Variants in PLCH2 observed in about 807,000 individuals in gnomAD.
PLCH2 encodes 1-phosphatidylinositol 4,5-bisphosphate phosphodiesterase eta-2.
In PLCH2, 98 loss-of-function variants were observed where a neutral mutation model predicts 134.7. The observed-to-expected ratio is 0.73, with a 90% confidence interval of 0.62 to 0.86. The LOEUF (loss-of-function observed/expected upper bound fraction) is 0.86, where lower values mean the gene tolerates loss of function less well. Among genes scored for constraint, PLCH2 ranks in the 40% least tolerant of loss-of-function variants. PLCH2 has a pLI of 0.00. For synonymous variants in PLCH2, 974 were observed against 827.5 expected (o/e 1.18, Z -3.04); for missense variants, 1,994 against 1,986.6 (o/e 1.00, Z -0.07).
Position 2,451,529 on chromosome 1 carries a change from A to G in PLCH2, c.115+20900A>G, listed in dbSNP as rs116295486. 3.7e-3 allele frequency among the ~76,000 whole-genome samples: 569 copies of G among 152,242 alleles called. 4 individuals carry two copies. Among genetic ancestry groups the G allele is most frequent in the African/African-American group, 0.013 (546 of 41,552 alleles). Reference sequence around the variant, plus strand: ...ACTCCAGCCCCAGGAACTGGCTCCAAGGGCCACCGTGAGGCCAGAGAGCCG... The same window carrying G: ...ACTCCAGCCCCAGGAACTGGCTCCAGGGGCCACCGTGAGGCCAGAGAGCCG... On this transcript the variant is annotated intron_variant, in intron 2 of 3. Coordinates refer to the PLCH2 transcript ENST00000609981.
intron 13 of PLCH2, 67 bp from the exon 14 acceptor site, chr1:2,496,540 T>A: frequency 7.5e-7 from 1 of 1,326,896 alleles, no homozygotes; most frequent in Non-Finnish European, 1.1e-6. Context: ...CTGGAGCCCG[T>A]CTCACGGAGC....
chr1:2,466,765 C>T (rs1205171112), upstream of PLCH2, among the ~76,000 whole-genome samples: 1 of 152,232 alleles, frequency 6.6e-6, no homozygotes, highest in Non-Finnish European at 1.5e-5. Flanking sequence ...GGGAGCAGCG[C>T]GTGCAGGGGG....
Position 2,504,928 on chromosome 1 carries a change from C to T in PLCH2, c.3966C>T (p.Gly1322=). The T allele has an allele frequency of 6.4e-7, 1 of 1,570,934 alleles. No homozygotes were observed. ...AGDITSPTSL[G]PAGEGVAGGP... is the part of the protein sequence containing the mutation. ...ACATCACGTCACCCACCAGCCTGGG[C>T]CCGGCTGGGGAGGGGGTGGCAGGGG... Residue 1322 remains glycine (G), a synonymous_variant, in exon 22 of 22, where the codon GGC becomes GGT. Coordinates refer to ENST00000378486, the MANE Select transcript of PLCH2 (RefSeq NM_014638.4).
intron 2 of PLCH2, among the ~76,000 whole-genome samples, chr1:2,462,371 C>T (rs114344245): frequency 0.095 from 11,756 of 123,874 alleles, 810 homozygotes; most frequent in East Asian, 0.23. Flanking sequence ...CCTCTGACAC[C>T]GCCTCCACCT....
chr1:2,455,940 G>T (rs917028733), intron 2 of PLCH2, among the ~76,000 whole-genome samples: 1 of 152,250 alleles, frequency 6.6e-6, no homozygotes, highest in Admixed American at 6.5e-5. Context: ...GTGTTTAAGT[G>T]TATTTTTAAA....
intron 2 of PLCH2, among the ~76,000 whole-genome samples, chr1:2,446,447 G>C: frequency 1.3e-5 from 2 of 152,322 alleles, no homozygotes; most frequent in South Asian, 4.1e-4. Context: ...CCAGGCAGAA[G>C]CAGGAGCTGT....
Position 2,469,419 on chromosome 1 carries a change from C to T in PLCH2, c.43+1757C>T, listed in dbSNP as rs561679650. Among the ~76,000 whole-genome samples the T allele has an allele frequency of 4.6e-5, 7 of 152,372 alleles. 1 individual carries two copies. In the South Asian group the frequency reaches 6.2e-4, roughly 14 times the overall value. ...AGCAGAACAGTCCTTACAGACTCCA[C>T]GTGCCGCCGAGGACGGAGCAGATGG... On this transcript the variant is annotated intron_variant, in intron 1 of 21. Coordinates refer to the PLCH2 transcript ENST00000449969.
In PLCH2 at chr1:2,497,529, G is replaced by A. The variant is rs750351338; in HGVS notation, c.2144G>A (p.Arg715Gln). 1.0e-4 allele frequency: 163 copies of A among 1,558,628 alleles called. No homozygotes were observed. Among genetic ancestry groups the A allele is most frequent in the Middle Eastern group, 3.3e-4 (2 of 6,026 alleles). Reference protein sequence around the residue: ...MVALNYQSEGRMLQLNRAKFS... With the variant: ...MVALNYQSEGQMLQLNRAKFS... ...GCCCTGAACTACCAGTCAGAGGGGC[G>A]GATGCTGCAGCTGAACCGAGCCAAG... is the stretch of plus-strand genomic sequence containing the variant. The change falls in exon 16 of 22, where the codon CGG becomes CAG. Residue 715 changes from arginine (R) to glutamine (Q), a missense_variant. Physicochemically the swap from Arg to Gln is conservative, Grantham distance 43. This residue lies in a region of PLCH2 where 1,094 missense variants were observed against 1,234.3 expected (regional missense o/e 0.89). Coordinates refer to ENST00000378486, the MANE Select transcript of PLCH2 (RefSeq NM_014638.4).
At chr1:2,452,765 G>A (rs1402966191) in intron 2 of PLCH2, among the ~76,000 whole-genome samples, 22 of 152,188 alleles carry the variant, frequency 1.4e-4, no homozygotes, top group Admixed American at 1.4e-3. Context: ...CTTGGTCCTG[G>A]GAGGGCCTGG....
In PLCH2 at chr1:2,469,851, G is replaced by A. The variant is rs377460898; in HGVS notation, c.43+2189G>A. The stretch of plus-strand genomic sequence containing the variant: ...GGACAGGACGTTTCCTCTGGCTCCT[G>A]AGAAGTCACTCACCGTGGTGGCCGC... On this transcript the variant is annotated intron_variant, in intron 1 of 21. Coordinates refer to the PLCH2 transcript ENST00000449969. 2.6e-5 allele frequency among the ~76,000 whole-genome samples: 4 copies of A among 152,338 alleles called. No individual in the cohort carries two copies. In the East Asian group the frequency reaches 5.8e-4, roughly 22 times the overall value.
upstream of PLCH2, among the ~76,000 whole-genome samples, chr1:2,465,894 G>A (rs943648652): frequency 6.6e-6 from 1 of 152,094 alleles, no homozygotes; most frequent in Non-Finnish European, 1.5e-5. Context: ...CCTGCAGCCC[G>A]CACACCCCTC....
Position 2,476,555 on chromosome 1 carries a change from G to A in PLCH2, c.-34G>A, listed in dbSNP as rs749722961. The A allele has an allele frequency of 9.1e-5, 134 of 1,465,568 alleles. No individual in the cohort carries two copies. The highest frequency in any genetic ancestry group is 1.1e-4 in the Non-Finnish European group (128 of 1,113,840). 90.8% of individuals were successfully genotyped at this position (1,465,568 alleles called of 1,614,324 possible). On this transcript the variant is annotated 5_prime_UTR_variant, in exon 1 of 22. Coordinates refer to ENST00000378486, the MANE Select transcript of PLCH2 (RefSeq NM_014638.4). ...GCCCGAAGGCCGGTGGGCCTCTGTGGCCTCCGTGAAGCAGGCCCGGCTGTC... is the reference window on the plus strand; with the variant it reads ...GCCCGAAGGCCGGTGGGCCTCTGTGACCTCCGTGAAGCAGGCCCGGCTGTC...
At chr1:2,459,260 C>T (rs1378520562) in intron 2 of PLCH2, among the ~76,000 whole-genome samples, 1 of 152,264 alleles carries the variant, frequency 6.6e-6, no homozygotes, top group Non-Finnish European at 1.5e-5. Flanking sequence ...GTTGGAGATG[C>T]ACGTGCCCCT....
upstream of PLCH2, among the ~76,000 whole-genome samples, chr1:2,464,911 G>A (rs1640985334): frequency 6.6e-6 from 1 of 152,222 alleles, no homozygotes; most frequent in East Asian, 1.9e-4. Flanking sequence ...CTGAAGACGG[G>A]ACCCTCAGGC....
chr1:2,483,197 C>A (rs1343135228), intron 4 of PLCH2, among the ~76,000 whole-genome samples: 3 of 152,186 alleles, frequency 2.0e-5, no homozygotes, highest in Non-Finnish European at 4.4e-5. Context: ...AGGACTCAGC[C>A]AGTGTAGGCG....
upstream of PLCH2, among the ~76,000 whole-genome samples, chr1:2,422,577 C>G (rs34574702): frequency 6.6e-6 from 1 of 152,090 alleles, no homozygotes; most frequent in Non-Finnish European, 1.5e-5. Context: ...CAGGTTGTTG[C>G]GATAACAGAA....
chr1:2,496,192 A>T lies in PLCH2; in HGVS notation c.1836-415A>T, dbSNP rs536695447. Among the ~76,000 whole-genome samples, 14 of 152,154 alleles carry T rather than the reference A, an allele frequency of 9.2e-5. No homozygotes were observed. The South Asian group carries it at 2.9e-3, about 32-fold the overall frequency. ...CACGTGCCAGCCGGGCTCTGCCCTT[A>T]GCACACATCTGATCCACGTGTGCCG... On this transcript the variant is annotated intron_variant, in intron 13 of 21. Coordinates refer to ENST00000378486, the MANE Select transcript of PLCH2 (RefSeq NM_014638.4).
At chr1:2,484,054 G>A (rs947529537) in intron 4 of PLCH2, among the ~76,000 whole-genome samples, 2 of 151,714 alleles carry the variant, frequency 1.3e-5, no homozygotes, top group Non-Finnish European at 2.9e-5. Flanking sequence ...CCGTGTGGGT[G>A]GCGTTGGCTC....
intron 2 of PLCH2, among the ~76,000 whole-genome samples, chr1:2,437,627 G>A (rs761104149): frequency 1.3e-5 from 2 of 152,160 alleles, no homozygotes; most frequent in Non-Finnish European, 2.9e-5. Flanking sequence ...GCTAAGCAGG[G>A]GCCATAGCCA....
Sources: allele counts gnomAD v4.1 joint callset (sites outside exome capture counted in the v4.1 genomes callset), GRCh38; gene constraint gnomAD v4.1.1; regional missense constraint gnomAD v4.1.1; transcripts MANE v1.5; gene names NCBI Gene and HGNC (gene_info 2026-07-23, HGNC 2026-07-21).